The following PCDHGC3 variants were observed in gnomAD, a reference collection of about 807,000 sequenced individuals.
The protein encoded by PCDHGC3 is protocadherin gamma-C3.
Under a neutral mutation model 59.2 loss-of-function variants are expected in PCDHGC3, and 26 were observed. That is an observed-to-expected ratio of 0.44 (90% CI 0.32 to 0.61). PCDHGC3 has a LOEUF of 0.61. PCDHGC3 is among the 20% of genes least tolerant of loss of function. PCDHGC3 has a pLI of 0.05. For missense variants in PCDHGC3, 1,080 were observed against 1,221.8 expected (o/e 0.88, Z 1.73); for synonymous variants, 487 against 519.7 (o/e 0.94, Z 0.86).
At chr5:141,503,554 G>A (rs1395044357) in intron 2 of PCDHGC3, among the ~76,000 whole-genome samples, 11 of 149,146 alleles carry the variant, frequency 7.4e-5, no homozygotes, top group East Asian at 3.9e-4. Flanking sequence ...AGCCGAGATC[G>A]CGCCACTGTA....
Position 141,476,996 on chromosome 5 carries a change from C to T in PCDHGC3, c.880C>T (p.Leu294=). The T allele has an allele frequency of 6.2e-7, 1 of 1,614,250 alleles. No homozygotes were observed. Among genetic ancestry groups the T allele is most frequent in the Non-Finnish European group, 8.5e-7 (1 of 1,180,052 alleles). Residue 294 remains leucine, a synonymous_variant, in exon 1 of 4, where the codon CTA becomes TTA. Coordinates refer to ENST00000308177, the MANE Select transcript of PCDHGC3 (RefSeq NM_002588.4). The surrounding 1 kb of genome is among the most constrained non-coding windows in gnomAD (Gnocchi z 7.6). ...GSHNRAGVRQ[L]FALDLVTGML... ...CCACAACCGCGCCGGCGTGCGGCAA[C>T]TATTCGCCTTAGACCTTGTAACCGG...
At chr5:141,494,708 C>T (rs1481947557) in intron 1 of PCDHGC3, 99 bp from the exon 2 acceptor site, 2 of 1,599,566 alleles carry the variant, frequency 1.3e-6, no homozygotes, top group Non-Finnish European at 1.7e-6. Flanking sequence ...CTTCTCTGTG[C>T]CCACTCCCCT....
Position 141,490,486 on chromosome 5 carries a change from G to A in PCDHGC3, c.2431-4321G>A, listed in dbSNP as rs1187388706. The A allele has an allele frequency of 1.2e-6, 2 of 1,614,090 alleles. No individual in the cohort carries two copies. On this transcript the variant is annotated intron_variant, in intron 1 of 3. Transcript: ENST00000308177. The surrounding 1 kb of genome is among the most constrained non-coding windows in gnomAD (Gnocchi z 5.4). ...AACCAGCCAGCCTTTGGACCGGGAG[G>A]CCACATCCCACTATATCATCGAGCT...
chr5:141,485,619 G>A lies in PCDHGC3; in HGVS notation c.2430+7073G>A. On this transcript the variant is annotated intron_variant, in intron 1 of 3. Coordinates refer to ENST00000308177, the MANE Select transcript of PCDHGC3 (RefSeq NM_002588.4). This position sits in a 1 kb window ranked among gnomAD's most constrained non-coding sequence, Gnocchi z 5.7. ...GAAATTGGGGAGGCAGCTCCTCCAG[G>A]ACAGCGTTTCCCGTTGGAAAAGGCT... 3 of 1,612,234 alleles carry A rather than the reference G, an allele frequency of 1.9e-6. No homozygotes were observed. The highest frequency in any genetic ancestry group is 2.5e-6 in the Non-Finnish European group (3 of 1,178,678).
At chr5:141,496,021 G>T (rs1011612662) in intron 2 of PCDHGC3, among the ~76,000 whole-genome samples, 2 of 151,336 alleles carry the variant, frequency 1.3e-5, no homozygotes, top group African/African-American at 4.9e-5. Flanking sequence ...TTTTCTCTGA[G>T]CCTCTGTCTC....
chr5:141,489,093 A>T lies in PCDHGC3; in HGVS notation c.2431-5714A>T. ...GCCCACCCCCGCCACTCGGTGACTA[A>T]GAACTGCTGCAAGCAGGCAAACCTC... is the stretch of plus-strand genomic sequence containing the variant. On this transcript the variant is annotated intron_variant, in intron 1 of 3. Coordinates refer to ENST00000308177, the MANE Select transcript of PCDHGC3 (RefSeq NM_002588.4). This position sits in a 1 kb window ranked among gnomAD's most constrained non-coding sequence, Gnocchi z 4.5. 2.1e-6 allele frequency: 1 copy of T among 477,272 alleles called. No individual in the cohort carries two copies. Among genetic ancestry groups the T allele is most frequent in the Non-Finnish European group, 3.6e-6 (1 of 276,700 alleles). The allele number at this position is 477,272 out of a possible 1,614,324, so 29.6% of individuals were successfully genotyped here.
intron 1 of PCDHGC3, among the ~76,000 whole-genome samples, chr5:141,488,238 C>T (rs374846692): frequency 5.3e-5 from 8 of 152,036 alleles, no homozygotes; most frequent in Non-Finnish European, 1.0e-4. Flanking sequence ...GAACTAGATG[C>T]GGTAAATTGG....
chr5:141,486,090 G>T lies in PCDHGC3; in HGVS notation c.2430+7544G>T, dbSNP rs190955361. 2.5e-6 allele frequency: 4 copies of T among 1,614,086 alleles called. No individual in the cohort carries two copies. In the East Asian group the frequency reaches 8.9e-5, roughly 36 times the overall value. On this transcript the variant is annotated intron_variant, in intron 1 of 3. Transcript: ENST00000308177. This position sits in a 1 kb window ranked among gnomAD's most constrained non-coding sequence, Gnocchi z 5.0. Reference sequence around the variant, plus strand: ...ACTACTGGAAAGCTTACTCTTTTGGGGCCCCTAGACTTTGAGAGTGAGAAT... The same window carrying T: ...ACTACTGGAAAGCTTACTCTTTTGGTGCCCCTAGACTTTGAGAGTGAGAAT...
In PCDHGC3 at chr5:141,491,778, C is replaced by T. The variant is rs568710854; in HGVS notation, c.2431-3029C>T. 3.1e-4 allele frequency: 482 copies of T among 1,547,678 alleles called. No homozygotes were observed. The highest frequency in any genetic ancestry group is 2.2e-3 in the Middle Eastern group (13 of 5,890). On this transcript the variant is annotated intron_variant, in intron 1 of 3. Transcript: ENST00000308177. This position sits in a 1 kb window ranked among gnomAD's most constrained non-coding sequence, Gnocchi z 6.9. Reference sequence around the variant, plus strand: ...CCGCCCGTCCTCATAAGGGATTGAACTTGCATCCACTCCTCTCCGGCCGGC... The same window carrying T: ...CCGCCCGTCCTCATAAGGGATTGAATTTGCATCCACTCCTCTCCGGCCGGC...
chr5:141,509,882 G>A (rs1374735632), intron 3 of PCDHGC3, among the ~76,000 whole-genome samples: 1 of 152,182 alleles, frequency 6.6e-6, no homozygotes. Context: ...GGTGGTGATG[G>A]TGACTGACTG....
chr5:141,493,289 C>T lies in PCDHGC3; in HGVS notation c.2431-1518C>T, dbSNP rs925045650. 2.6e-5 allele frequency among the ~76,000 whole-genome samples: 4 copies of T among 152,176 alleles called. No individual in the cohort carries two copies. Among genetic ancestry groups the T allele is most frequent in the Non-Finnish European group, 5.9e-5 (4 of 68,030 alleles). On this transcript the variant is annotated intron_variant, in intron 1 of 3. Coordinates refer to ENST00000308177, the MANE Select transcript of PCDHGC3 (RefSeq NM_002588.4). The surrounding 1 kb of genome is among the most constrained non-coding windows in gnomAD (Gnocchi z 4.3). ...CTTCACAGAGGTCAAGTGACTTGCT[C>T]AAGTTCACAGAGCAAGTAAGAGAGA...
chr5:141,477,438 C>G lies in PCDHGC3; in HGVS notation c.1322C>G (p.Thr441Arg). 6.2e-7 allele frequency: 1 copy of G among 1,614,174 alleles called. No homozygotes were observed. Among genetic ancestry groups the G allele is most frequent in the Non-Finnish European group, 8.5e-7 (1 of 1,180,030 alleles). The change falls in exon 1 of 4, where the codon ACA (threonine) becomes AGA (arginine). Residue 441 changes from threonine (T) to arginine (R), a missense_variant. Physicochemically the swap from Thr to Arg is moderately conservative, Grantham distance 71 (BLOSUM62 -1). Coordinates refer to ENST00000308177, the MANE Select transcript of PCDHGC3 (RefSeq NM_002588.4). The surrounding 1 kb of genome is among the most constrained non-coding windows in gnomAD (Gnocchi z 4.9). ...GGAACCCCTTCCCTCTCAGCCCTTACAATAGTGCGTGTTCAAGTGTCCGAC... is the reference window on the plus strand; with the variant it reads ...GGAACCCCTTCCCTCTCAGCCCTTAGAATAGTGCGTGTTCAAGTGTCCGAC... ...DAGTPSLSAL[T>R]IVRVQVSDIN...
Position 141,477,393 on chromosome 5 carries a change from G to A in PCDHGC3, c.1277G>A (p.Ser426Asn), listed in dbSNP as rs1397453429. The change falls in exon 1 of 4, where the codon AGC becomes AAC. Residue 426 changes from serine to asparagine, a missense_variant. Ser to Asn is a conservative substitution (Grantham distance 46, BLOSUM62 1). Transcript: ENST00000308177. This position sits in a 1 kb window ranked among gnomAD's most constrained non-coding sequence, Gnocchi z 4.9. Reference protein sequence around the residue: ...DRETVPEYNLSITARDAGTPS... With the variant: ...DRETVPEYNLNITARDAGTPS... The stretch of plus-strand genomic sequence containing the variant: ...GAGACTGTGCCAGAATACAACCTCA[G>A]CATCACCGCCCGAGACGCCGGAACC... The A allele has an allele frequency of 5.6e-6, 9 of 1,614,098 alleles. No individual in the cohort carries two copies. Among genetic ancestry groups the A allele is most frequent in the Non-Finnish European group, 7.6e-6 (9 of 1,180,028 alleles).
At position 141,478,496 on chromosome 5, in the gene PCDHGC3, C is replaced by G; in HGVS notation, c.2380C>G (p.Pro794Ala). 1 of 1,613,014 alleles carries G rather than the reference C, an allele frequency of 6.2e-7. No individual in the cohort carries two copies. Among genetic ancestry groups the G allele is most frequent in the Non-Finnish European group, 8.5e-7 (1 of 1,179,464 alleles). Residue 794 changes from proline (P) to alanine (A), a missense_variant, in exon 1 of 4, where the codon CCG (proline) becomes GCG (alanine). Pro to Ala is a conservative substitution (Grantham distance 27). Coordinates refer to ENST00000308177, the MANE Select transcript of PCDHGC3 (RefSeq NM_002588.4). ...CCAGAACACGCTGCGGAGCTGTGATCCGGTGTTCTATAGGCAGGTGTTGGG... is the reference window on the plus strand; with the variant it reads ...CCAGAACACGCTGCGGAGCTGTGATGCGGTGTTCTATAGGCAGGTGTTGGG... ...SRQNTLRSCD[P>A]VFYRQVLGAE...
chr5:141,508,171 A>G (rs1364776681), intron 3 of PCDHGC3: 2 of 152,406 alleles, frequency 1.3e-5, no homozygotes, highest in African/African-American at 4.8e-5. Context: ...AGGCTGGCAC[A>G]GGAGAGAAGG....
At chr5:141,494,889 A>G (rs2099757275) in intron 2 of PCDHGC3, 24 bp downstream of exon 2, 1 of 1,613,844 alleles carries the variant, frequency 6.2e-7, no homozygotes, top group Admixed American at 1.7e-5. Context: ...TCTCCAGCCC[A>G]CCCTCTTCTC....
chr5:141,510,817 T>C, intron 3 of PCDHGC3, 130 bp from the exon 4 acceptor site: 2 of 1,551,592 alleles, frequency 1.3e-6, no homozygotes, highest in African/African-American at 2.7e-5. Flanking sequence ...GTGACCCCTA[T>C]ATTCCCAGTG....
Position 141,511,126 on chromosome 5 carries a change from G to A in PCDHGC3, c.2758G>A (p.Gly920Ser). The A allele has an allele frequency of 1.9e-6, 3 of 1,614,212 alleles. No individual in the cohort carries two copies. The highest frequency in any genetic ancestry group is 2.2e-5 in the South Asian group (2 of 91,086). The change falls in exon 4 of 4, where the codon GGT becomes AGT. Residue 920 changes from glycine to serine, a missense_variant. Coordinates refer to ENST00000308177, the MANE Select transcript of PCDHGC3 (RefSeq NM_002588.4). ...AGKRDGKAPA[G>S]GNGNKKKSGK... ...CAAGCGGGATGGCAAGGCCCCAGCA[G>A]GTGGCAATGGCAACAAGAAGAAGTC...
Position 141,478,117 on chromosome 5 carries a change from C to G in PCDHGC3, c.2001C>G (p.Thr667=), listed in dbSNP as rs1419172538. ...CTGCTACCCTCACTGTGTCAGTAAC[C>G]GAGGACTCTCCTGAAGCCCGAGCCG... ...STTATLTVSV[T]EDSPEARAEF... is the part of the protein sequence containing the mutation. Residue 667 remains threonine (T), a synonymous_variant, in exon 1 of 4, where the codon ACC becomes ACG. Coordinates refer to ENST00000308177, the MANE Select transcript of PCDHGC3 (RefSeq NM_002588.4). 21 of 1,614,058 alleles carry G rather than the reference C, an allele frequency of 1.3e-5. No individual in the cohort carries two copies. The highest frequency in any genetic ancestry group is 1.7e-5 in the Non-Finnish European group (20 of 1,180,032).
Sources: gnomAD v4.1 joint callset for allele counts (sites outside exome capture counted in the v4.1 genomes callset) on GRCh38, gnomAD v4.1.1 for gene constraint, Gnocchi (gnomAD v3.1) non-coding constraint, MANE v1.5 for transcripts, NCBI Gene and HGNC (gene_info 2026-07-23, HGNC 2026-07-21) for gene names.